MN1: variants seen among roughly 807,000 people sequenced by gnomAD.
MN1 encodes the protein transcriptional activator MN1.
Under a neutral mutation model 86.9 loss-of-function variants are expected in MN1, and 19 were observed. That is an observed-to-expected ratio of 0.22 (90% CI 0.15 to 0.32). MN1 has a LOEUF of 0.32. Ranked by LOEUF, MN1 falls within the 10% of genes least tolerant of loss-of-function variation. The pLI, the probability that MN1 is intolerant of heterozygous loss-of-function variation, is 1.00. For synonymous variants in MN1, 928 were observed against 849.6 expected (o/e 1.09, Z -1.60); for missense variants, 1,841 against 1,862.0 (o/e 0.99, Z 0.21).
intron 1 of MN1, among the ~76,000 whole-genome samples, chr22:27,779,908 T>C (rs918028371): frequency 1.3e-5 from 2 of 152,088 alleles, no homozygotes; most frequent in South Asian, 4.2e-4. Flanking sequence ...AGGACATAAA[T>C]TGTGGCCTGC....
intron 1 of MN1, among the ~76,000 whole-genome samples, chr22:27,778,145 A>C (rs1347248645): frequency 6.6e-6 from 1 of 152,198 alleles, no homozygotes; most frequent in Non-Finnish European, 1.5e-5. Flanking sequence ...GTTTCCCAAC[A>C]CTAACGAGGG....
chr22:27,772,852 C>CCATCAT (rs113365837), intron 1 of MN1, among the ~76,000 whole-genome samples: 7,349 of 147,482 alleles, frequency 0.05, 530 homozygotes, highest in African/African-American at 0.16. Context: ...ATCACCATTG[C>CCATCAT]CATCATCATC....
intron 1 of MN1, among the ~76,000 whole-genome samples, chr22:27,789,661 G>A (rs1164586339): frequency 6.6e-6 from 1 of 152,236 alleles, no homozygotes; most frequent in Admixed American, 6.5e-5. Context: ...TTCCATGGAA[G>A]ATGTTCCTTC....
Position 27,750,409 on chromosome 22 carries a change from T to C in MN1, c.*506A>G, listed in dbSNP as rs1932753449. 1 of 223,428 alleles carries C rather than the reference T, an allele frequency of 4.5e-6. No homozygotes were observed. Among genetic ancestry groups the C allele is most frequent in the African/African-American group, 2.2e-5 (1 of 44,808 alleles). The allele number at this position is 223,428 out of a possible 1,614,324, so 13.8% of individuals were successfully genotyped here. ...CCCGGCAATATTCCAGAACTACTAT[T>C]CTCCAGGATTTCCATTTTAATAAGC... On this transcript the variant is annotated 3_prime_UTR_variant, in exon 2 of 2. Coordinates refer to ENST00000302326, the MANE Select transcript of MN1 (RefSeq NM_002430.3).
intron 1 of MN1, among the ~76,000 whole-genome samples, chr22:27,752,932 C>T (rs1462515857): frequency 6.6e-6 from 1 of 152,222 alleles, no homozygotes; most frequent in Non-Finnish European, 1.5e-5. Context: ...AGTCACCGGC[C>T]CGCCCTGCCC....
chr22:27,797,576 A>C lies in MN1; in HGVS notation c.2968T>G (p.Ser990Ala). ...GGTGCCCCGCGCGTCTCGCCTGCGG[A>C]GCTTCCCCCGACGGCTGCGCCTGAC... is the stretch of plus-strand genomic sequence containing the variant. ...QASGAAVGGS[S>A]AGETRGAPTP... The change falls in exon 1 of 2, where the codon TCC becomes GCC. Residue 990 changes from serine to alanine, a missense_variant. By Grantham distance (99) the Ser-to-Ala change is moderately conservative. Transcript: ENST00000302326. The C allele has an allele frequency of 1.2e-6, 2 of 1,602,262 alleles. No homozygotes were observed. Among genetic ancestry groups the C allele is most frequent in the Middle Eastern group, 1.7e-4 (1 of 6,016 alleles).
rs187388530 is a variant in MN1, at chr22:27,768,591, G to A, written c.3782-17495C>T. Among the ~76,000 whole-genome samples the A allele has an allele frequency of 7.9e-3, 1,202 of 152,224 alleles. 11 individuals carry two copies. Among genetic ancestry groups the A allele is most frequent in the Admixed American group, 0.013 (197 of 15,298 alleles). On this transcript the variant is annotated intron_variant, in intron 1 of 1. Coordinates refer to ENST00000302326, the MANE Select transcript of MN1 (RefSeq NM_002430.3). ...TCAGGAGCTCCATGAGTCTAGAGTT[G>A]GGTTGTCCAACATGGTAGCCACTAG...
chr22:27,795,514 T>C (rs1933278833), intron 1 of MN1, among the ~76,000 whole-genome samples: 1 of 151,438 alleles, frequency 6.6e-6, no homozygotes, highest in Admixed American at 6.6e-5. Flanking sequence ...AGAATTGCAC[T>C]GGGGGGGGAC....
At chr22:27,784,449 C>G (rs543007303) in intron 1 of MN1, among the ~76,000 whole-genome samples, 1 of 152,268 alleles carries the variant, frequency 6.6e-6, no homozygotes, top group East Asian at 1.9e-4. Flanking sequence ...AAATCTCAGA[C>G]GCAGAGGAGG....
intron 1 of MN1, among the ~76,000 whole-genome samples, chr22:27,775,827 G>A (rs141517509): frequency 4.3e-4 from 65 of 152,300 alleles, no homozygotes; most frequent in African/African-American, 1.4e-3. Context: ...GCTCAGCTCC[G>A]CTCTCTCCCC....
Position 27,799,831 on chromosome 22 carries a change from T to A in MN1, c.713A>T (p.Glu238Val). Reference protein sequence around the residue: ...VDSLEYNYPGEAPSGHFDMFS... With the variant: ...VDSLEYNYPGVAPSGHFDMFS... The stretch of plus-strand genomic sequence containing the variant: ...CATGTCAAAATGTCCCGAGGGCGCC[T>A]CGCCCGGGTAATTGTATTCCAGCGA... The change falls in exon 1 of 2, where the codon GAG (glutamate) becomes GTG (valine). Residue 238 changes from glutamate to valine, a missense_variant. Coordinates refer to ENST00000302326, the MANE Select transcript of MN1 (RefSeq NM_002430.3). 1 of 1,596,994 alleles carries A rather than the reference T, an allele frequency of 6.3e-7. No homozygotes were observed. Among genetic ancestry groups the A allele is most frequent in the East Asian group, 2.3e-5 (1 of 43,992 alleles).
chr22:27,799,338 G>A lies in MN1; in HGVS notation c.1206C>T (p.Ser402=), dbSNP rs1163837714. Residue 402 remains serine, a synonymous_variant, in exon 1 of 2, where the codon AGC becomes AGT. Coordinates refer to ENST00000302326, the MANE Select transcript of MN1 (RefSeq NM_002430.3). ...GLQDGGPMLP[S]QHAQFEYPIH... is the part of the protein sequence containing the mutation. ...TGGGATACTCGAATTGCGCGTGCTG[G>A]CTGGGCAGCATGGGGCCTCCGTCCT... The A allele has an allele frequency of 1.3e-6, 2 of 1,590,612 alleles. No individual in the cohort carries two copies. The highest frequency in any genetic ancestry group is 1.7e-6 in the Non-Finnish European group (2 of 1,170,152).
At chr22:27,785,791 C>A (rs995040453) in intron 1 of MN1, among the ~76,000 whole-genome samples, 1 of 145,464 alleles carries the variant, frequency 6.9e-6, no homozygotes, top group African/African-American at 2.6e-5. Context: ...GCCATCCAGA[C>A]AAGCCTCTGG....
intron 1 of MN1, among the ~76,000 whole-genome samples, chr22:27,783,023 C>T (rs1043392425): frequency 6.6e-6 from 1 of 152,126 alleles, no homozygotes; most frequent in African/African-American, 2.4e-5. Flanking sequence ...GGTGCTACTG[C>T]GGCTTCCCCA....
rs1480513294 is a variant in MN1, at chr22:27,797,456, C to T, written c.3088G>A (p.Gly1030Ser). ...GAACTACTGTCCGACTTGGCCCCGCCGTCCAGGGACCCAATGAGGTCCGGC... is the reference window on the plus strand; with the variant it reads ...GAACTACTGTCCGACTTGGCCCCGCTGTCCAGGGACCCAATGAGGTCCGGC... ...DQPDLIGSLD[G>S]GAKSDSSSPN... Residue 1030 changes from glycine to serine, a missense_variant, in exon 1 of 2, where the codon GGC (glycine) becomes AGC (serine). Gly to Ser is a moderately conservative substitution (Grantham distance 56, BLOSUM62 0). Coordinates refer to ENST00000302326, the MANE Select transcript of MN1 (RefSeq NM_002430.3). 1.9e-6 allele frequency: 3 copies of T among 1,602,318 alleles called. No homozygotes were observed. The highest frequency in any genetic ancestry group is 2.7e-5 in the African/African-American group (2 of 74,878).
chr22:27,766,310 G>A (rs778154114), intron 1 of MN1, among the ~76,000 whole-genome samples: 8 of 152,164 alleles, frequency 5.3e-5, no homozygotes, highest in South Asian at 2.1e-4. Context: ...AGGATTGAGC[G>A]ATGCTGACTG....
chr22:27,796,995 A>T lies in MN1; in HGVS notation c.3549T>A (p.Gly1183=). The change falls in exon 1 of 2, where the codon GGT becomes GGA. Residue 1183 remains glycine, a synonymous_variant. Transcript: ENST00000302326. ...QPLGLKGGKK[G]ECAVGASGAQ... is the part of the protein sequence containing the mutation. Reference sequence around the variant, plus strand: ...CCCCTGAGGCCCCGACGGCGCACTCACCCTTCTTGCCACCCTTCAGCCCCA... The same window carrying T: ...CCCCTGAGGCCCCGACGGCGCACTCTCCCTTCTTGCCACCCTTCAGCCCCA... 1 of 1,612,090 alleles carries T rather than the reference A, an allele frequency of 6.2e-7. No individual in the cohort carries two copies. The highest frequency in any genetic ancestry group is 1.1e-5 in the South Asian group (1 of 90,952).
At chr22:27,777,720 C>G (rs1568976615) in intron 1 of MN1, among the ~76,000 whole-genome samples, 2 of 151,068 alleles carry the variant, frequency 1.3e-5, no homozygotes, top group Non-Finnish European at 3.0e-5. Context: ...CACACACACA[C>G]AAAATATTAG....
intron 1 of MN1, among the ~76,000 whole-genome samples, chr22:27,757,474 G>A (rs1932808696): frequency 1.3e-5 from 2 of 152,244 alleles, no homozygotes; most frequent in Admixed American, 6.5e-5. Context: ...CCCAGGCAGA[G>A]CTTGAGAATG....
Sources: allele counts gnomAD v4.1 joint callset (sites outside exome capture counted in the v4.1 genomes callset), GRCh38; gene constraint gnomAD v4.1.1; transcripts MANE v1.5; gene names NCBI Gene and HGNC (gene_info 2026-07-23, HGNC 2026-07-21).